Variants in CD163L1 observed in about 807,000 individuals in gnomAD.
CD163L1 encodes the protein CD163 molecule like 1, also known as scavenger receptor cysteine-rich type 1 protein M160.
In CD163L1, 124 loss-of-function variants were observed where a neutral mutation model predicts 165.4. The ratio of observed to expected loss-of-function variants is 0.75; its 90% CI spans 0.65 to 0.87. CD163L1 has a LOEUF of 0.87. CD163L1 is among the 40% of genes least tolerant of loss of function. The pLI is 0.00. For missense variants in CD163L1, 1,525 were observed against 1,799.9 expected, an observed-to-expected ratio of 0.85 and a Z score of 2.76; for synonymous variants, 585 against 662.2, an observed-to-expected ratio of 0.88 and a Z score of 1.79.
chr12:7,394,190 A>G (rs1228774306), intron 8 of CD163L1, among the ~76,000 whole-genome samples: 1 of 152,232 alleles, frequency 6.6e-6, no homozygotes. Context: ...CCTGACTTCA[A>G]ACTATACTAC....
intron 2 of CD163L1, chr12:7,439,921 T>C: frequency 6.3e-7 from 1 of 1,597,882 alleles, no homozygotes; most frequent in Non-Finnish European, 8.5e-7. Context: ...TTCGGCCAAC[T>C]CCTCAGTGCT....
chr12:7,359,794 A>G (rs1946854710), intron 18 of CD163L1, among the ~76,000 whole-genome samples: 1 of 152,200 alleles, frequency 6.6e-6, no homozygotes, highest in South Asian at 2.1e-4. Context: ...TTCTGGATAT[A>G]GAATTCTGGA....
At chr12:7,345,177 T>C (rs1320583674), downstream of CD163L1, among the ~76,000 whole-genome samples, 4 of 151,970 alleles carry the variant, frequency 2.6e-5, no homozygotes, top group Admixed American at 1.3e-4. Flanking sequence ...CTACAAATTA[T>C]CTGAACTTTT....
chr12:7,319,843 G>T, the CD163L1 span, among the ~76,000 whole-genome samples: 8 of 152,228 alleles, frequency 5.3e-5, no homozygotes, highest in Non-Finnish European at 1.5e-5. Context: ...ACCTACATTT[G>T]TAAAATAAGA....
chr12:7,406,185 A>G (rs868216490), intron 5 of CD163L1, among the ~76,000 whole-genome samples: 31 of 152,344 alleles, frequency 2.0e-4, no homozygotes, highest in Middle Eastern at 6.8e-3. Flanking sequence ...GTGATTACAC[A>G]TTTTAAAATT....
rs1947173254 is a variant in CD163L1, at chr12:7,372,870, T to C, written c.3730+450A>G. Among the ~76,000 whole-genome samples, 1 of 152,076 alleles carries C rather than the reference T, an allele frequency of 6.6e-6. No individual in the cohort carries two copies. The highest frequency in any genetic ancestry group is 1.5e-5 in the Non-Finnish European group (1 of 67,976). ...ATTAAATTTTAATCAAATAAGACAA[T>C]TTACAAGTGTCTTATAAATAATCAA... On this transcript the variant is annotated intron_variant, in intron 14 of 19. Transcript: ENST00000313599. The surrounding 1 kb of genome is among the most constrained non-coding windows in gnomAD (Gnocchi z 4.2).
rs1405017215 is a variant in CD163L1 at position 7,398,597 on chromosome 12, C to CA, written c.1409-14dup. ...AGATCTGCCTTATCTGCAAGCAAGA[C>CA]AAAACCACATATTTGAGATCAAATG... On this transcript the variant is annotated splice_polypyrimidine_tract_variant and intron_variant, in intron 6 of 19. Coordinates refer to ENST00000313599, the MANE Select transcript of CD163L1 (RefSeq NM_174941.6). This position sits in a 1 kb window ranked among gnomAD's most constrained non-coding sequence, Gnocchi z 4.5. 1 of 1,535,664 alleles carries CA rather than the reference C, an allele frequency of 6.5e-7. No individual in the cohort carries two copies. Among genetic ancestry groups the CA allele is most frequent in the Non-Finnish European group, 8.7e-7 (1 of 1,145,614 alleles).
chr12:7,384,332 C>T (rs1408711601), intron 8 of CD163L1, among the ~76,000 whole-genome samples: 1 of 151,846 alleles, frequency 6.6e-6, no homozygotes, highest in East Asian at 1.9e-4. Flanking sequence ...TCTGGGTGTT[C>T]CAGAAGGAGA....
chr12:7,398,178 G>A lies in CD163L1; in HGVS notation c.1729+86C>T, dbSNP rs1692971543. 2 of 1,241,108 alleles carry A rather than the reference G, an allele frequency of 1.6e-6. No homozygotes were observed. Among genetic ancestry groups the A allele is most frequent in the South Asian group, 1.5e-5 (1 of 68,174 alleles). 76.9% of individuals were successfully genotyped at this position (1,241,108 alleles called of 1,614,324 possible). On this transcript the variant is annotated intron_variant, in intron 7 of 19. Coordinates refer to ENST00000313599, the MANE Select transcript of CD163L1 (RefSeq NM_174941.6). The surrounding 1 kb of genome is among the most constrained non-coding windows in gnomAD (Gnocchi z 4.5). ...ATGGCCCCTCAATCAATTCCCACAT[G>A]TAAGCCAGTTTATAGACCCAGAAGC... is the stretch of plus-strand genomic sequence containing the variant.
chr12:7,383,619 C>T lies in CD163L1; in HGVS notation c.2051-4321G>A, dbSNP rs1315829164. On this transcript the variant is annotated intron_variant, in intron 8 of 19. Coordinates refer to ENST00000313599, the MANE Select transcript of CD163L1 (RefSeq NM_174941.6). ...CACTGAGGCTCAAGGACTGGCTTGT[C>T]TGGTGTCCTTATTCCTAGCAAAGCT... Among the ~76,000 whole-genome samples the T allele has an allele frequency of 3.9e-5, 6 of 152,298 alleles. No homozygotes were observed. The East Asian group carries it at 9.6e-4, about 24-fold the overall frequency.
intron 4 of CD163L1, among the ~76,000 whole-genome samples, chr12:7,409,579 T>G (rs1410621243): frequency 2.0e-5 from 3 of 152,064 alleles, no homozygotes; most frequent in Non-Finnish European, 4.4e-5. Context: ...GAGGTGGAGC[T>G]CTATCAGTAA....
In CD163L1 at chr12:7,374,646, C is replaced by T. The variant is rs749297464; in HGVS notation, c.3205G>A (p.Asp1069Asn). ...AGCTTTTGACACACCACGTGGGCAT[C>T]GCTCAGGTCCCAGCCGTCATCACAG... is the stretch of plus-strand genomic sequence containing the variant. ...TICDDGWDLS[D>N]AHVVCQKLGC... The change falls in exon 13 of 20, where the codon GAT becomes AAT. Residue 1069 changes from aspartate to asparagine, a missense_variant. Asp to Asn is a conservative substitution (Grantham distance 23). Transcript: ENST00000313599. The surrounding 1 kb of genome is among the most constrained non-coding windows in gnomAD (Gnocchi z 5.4). The T allele has an allele frequency of 1.2e-5, 19 of 1,614,084 alleles. No individual in the cohort carries two copies. The highest frequency in any genetic ancestry group is 2.2e-5 in the East Asian group (1 of 44,890).
chr12:7,413,837 C>T (rs1948184675), intron 4 of CD163L1, among the ~76,000 whole-genome samples: 1 of 152,148 alleles, frequency 6.6e-6, no homozygotes, highest in Non-Finnish European at 1.5e-5. Context: ...CTCAGCCTGG[C>T]TTTGCAGGAT....
chr12:7,357,013 T>C (rs1183275429), intron 19 of CD163L1, among the ~76,000 whole-genome samples: 4 of 152,152 alleles, frequency 2.6e-5, no homozygotes, highest in Non-Finnish European at 5.9e-5. Flanking sequence ...TAGTCTGTAC[T>C]TAAGAGAATA....
At chr12:7,433,790 A>G (rs1948673203) in intron 2 of CD163L1, 96 bp from the exon 3 acceptor site, 1 of 936,370 alleles carries the variant, frequency 1.1e-6, no homozygotes, top group Non-Finnish European at 1.6e-6. Flanking sequence ...TTTAGTTTAA[A>G]TGTTGTTATT....
intron 2 of CD163L1, among the ~76,000 whole-genome samples, chr12:7,437,669 CCTTT>C (rs1948756947): frequency 7.0e-6 from 1 of 143,678 alleles, no homozygotes; most frequent in South Asian, 2.1e-4. Context: ...ATGAACTCAT[CCTTT>C]TTTTTTTTTT....
At chr12:7,426,795 T>C (rs1948551048) in intron 4 of CD163L1, among the ~76,000 whole-genome samples, 1 of 152,138 alleles carries the variant, frequency 6.6e-6, no homozygotes, top group Admixed American at 6.6e-5. Context: ...TCCAAATATA[T>C]GCTGCTTACA....
At chr12:7,393,313 G>A (rs956313521) in intron 8 of CD163L1, among the ~76,000 whole-genome samples, 2 of 152,038 alleles carry the variant, frequency 1.3e-5, no homozygotes, top group South Asian at 4.2e-4. Context: ...CAGAACGAAT[G>A]ACAAAAACCA....
chr12:7,413,044 C>T lies in CD163L1; in HGVS notation c.767-6192G>A, dbSNP rs182270836. On this transcript the variant is annotated intron_variant, in intron 4 of 19. Transcript: ENST00000313599. ...TTGGAGGGTGGAGGTTGCAGTGAGC[C>T]GAGATCATGCCACTGTACTCCTGAG... Among the ~76,000 whole-genome samples, 672 of 133,682 alleles carry T rather than the reference C, an allele frequency of 5.0e-3. 7 individuals are homozygous for T. The highest frequency in any genetic ancestry group is 0.019 in the African/African-American group (628 of 33,132). 87.7% of individuals were successfully genotyped at this position (133,682 alleles called of 152,430 possible).
Sources: gnomAD v4.1 joint callset for allele counts (sites outside exome capture counted in the v4.1 genomes callset) on GRCh38, gnomAD v4.1.1 for gene constraint, Gnocchi (gnomAD v3.1) non-coding constraint, MANE v1.5 for transcripts, NCBI Gene and HGNC (gene_info 2026-07-23, HGNC 2026-07-21) for gene names.